Variants in PTPRM observed in about 807,000 individuals in gnomAD.
PTPRM encodes the protein receptor-type tyrosine-protein phosphatase mu.
In PTPRM, 47 loss-of-function variants were observed where a neutral mutation model predicts 186.7. The ratio of observed to expected loss-of-function variants is 0.25; its 90% confidence interval spans 0.20 to 0.32. The LOEUF is 0.32. PTPRM is among the 10% of genes least tolerant of loss of function. The probability of loss-of-function intolerance (pLI) is 1.00; values close to 1 mark genes in which losing one functional copy is unlikely to be tolerated. For synonymous variants in PTPRM, 668 were observed against 674.9 expected (o/e 0.99, Z 0.16); for missense variants, 1,494 against 1,865.0 (o/e 0.80, Z 3.66).
At chr18:7,573,738 T>C (rs941844408) in intron 1 of PTPRM, among the ~76,000 whole-genome samples, 3 of 152,010 alleles carry the variant, frequency 2.0e-5, no homozygotes, top group Non-Finnish European at 4.4e-5. Flanking sequence ...TACAGGTGCC[T>C]GCCACCACGC....
intron 19 of PTPRM, among the ~76,000 whole-genome samples, chr18:8,285,859 G>A (rs1026563484): frequency 6.6e-6 from 1 of 152,106 alleles, no homozygotes; most frequent in Non-Finnish European, 1.5e-5. Context: ...GGGCATGGTT[G>A]TGTGTACCTG....
chr18:8,195,690 T>A (rs560576462), intron 14 of PTPRM, among the ~76,000 whole-genome samples: 2 of 152,238 alleles, frequency 1.3e-5, no homozygotes, highest in East Asian at 3.9e-4. Flanking sequence ...CTAAATAATG[T>A]GTACATTTGG....
intron 1 of PTPRM, among the ~76,000 whole-genome samples, chr18:7,766,937 T>A (rs2042041651): frequency 6.6e-6 from 1 of 152,240 alleles, no homozygotes; most frequent in Admixed American, 6.5e-5. Context: ...GCATGGCTTT[T>A]GTTCTGTAAC....
chr18:7,601,467 G>A (rs140734891), intron 1 of PTPRM, among the ~76,000 whole-genome samples: 5 of 152,318 alleles, frequency 3.3e-5, no homozygotes, highest in Admixed American at 3.3e-4. Context: ...GAGCAGCTAC[G>A]CTCCTTCCTA....
At chr18:8,361,420 A>G (rs529981774) in intron 23 of PTPRM, among the ~76,000 whole-genome samples, 5 of 152,338 alleles carry the variant, frequency 3.3e-5, no homozygotes, top group African/African-American at 1.2e-4. Flanking sequence ...GTTACTGGAC[A>G]TTTCTTATGG....
intron 2 of PTPRM, among the ~76,000 whole-genome samples, chr18:7,788,080 A>G (rs1043672703): frequency 6.6e-6 from 1 of 152,232 alleles, no homozygotes; most frequent in Admixed American, 6.5e-5. Context: ...ATGCTAAGTG[A>G]TGAGCATACC....
At chr18:8,095,610 G>A (rs138543973) in intron 11 of PTPRM, among the ~76,000 whole-genome samples, 156 of 152,168 alleles carry the variant, frequency 1.0e-3, no homozygotes, top group African/African-American at 3.6e-3. Context: ...GTTAGAGGGC[G>A]TGCGGCCTCA....
At chr18:8,322,340 G>A (rs1402571793) in intron 22 of PTPRM, among the ~76,000 whole-genome samples, 3 of 152,066 alleles carry the variant, frequency 2.0e-5, no homozygotes, top group Admixed American at 1.3e-4. Flanking sequence ...AATGGGTGAC[G>A]TTTCTGCAAA....
At chr18:7,850,385 G>T (rs1051329269) in intron 2 of PTPRM, among the ~76,000 whole-genome samples, 1 of 151,718 alleles carries the variant, frequency 6.6e-6, no homozygotes, top group Non-Finnish European at 1.5e-5. Context: ...CAATTTGAAA[G>T]TATTGAGATC....
chr18:8,303,180 C>T (rs1337585632), intron 20 of PTPRM, among the ~76,000 whole-genome samples: 2 of 151,960 alleles, frequency 1.3e-5, no homozygotes, highest in African/African-American at 2.4e-5. Flanking sequence ...GGAGCACTCT[C>T]ATGGAGAGAA....
intron 13 of PTPRM, among the ~76,000 whole-genome samples, chr18:8,141,396 A>G (rs568307330): frequency 6.6e-6 from 1 of 152,284 alleles, no homozygotes; most frequent in South Asian, 2.1e-4. Flanking sequence ...TTGACCTGCA[A>G]TGTGAAATGA....
intron 7 of PTPRM, among the ~76,000 whole-genome samples, chr18:7,986,176 C>T (rs1248195774): frequency 6.6e-6 from 1 of 152,150 alleles, no homozygotes. Context: ...AATGTGATAA[C>T]AGATCCCCTA....
chr18:8,369,588 T>C lies in PTPRM; in HGVS notation c.3055-1302T>C, dbSNP rs374075587. Reference sequence around the variant, plus strand: ...GCGCAGTGACTGTGGGGCAAAGAATTCTCTTTTAGACTTATGGTCTTTGAG... The same window carrying C: ...GCGCAGTGACTGTGGGGCAAAGAATCCTCTTTTAGACTTATGGTCTTTGAG... On this transcript the variant is annotated intron_variant, in intron 23 of 32. Coordinates refer to ENST00000580170, the MANE Select transcript of PTPRM (RefSeq NM_001105244.2). Among the ~76,000 whole-genome samples the C allele has an allele frequency of 2.0e-5, 3 of 152,172 alleles. No individual in the cohort carries two copies. In the East Asian group the frequency reaches 5.8e-4, roughly 29 times the overall value.
intron 9 of PTPRM, among the ~76,000 whole-genome samples, chr18:8,084,990 A>G (rs2090355785): frequency 6.6e-6 from 1 of 152,130 alleles, no homozygotes; most frequent in Non-Finnish European, 1.5e-5. Flanking sequence ...CACACATGGC[A>G]ATTTAAATTC....
chr18:8,151,627 A>G (rs1228451053), intron 14 of PTPRM, among the ~76,000 whole-genome samples: 1 of 149,444 alleles, frequency 6.7e-6, no homozygotes, highest in African/African-American at 2.5e-5. Flanking sequence ...CCCTGGTTTC[A>G]GCACCCCTTT....
chr18:7,835,849 TGTTTTG>T (rs2046020724), intron 2 of PTPRM, among the ~76,000 whole-genome samples: 2 of 139,200 alleles, frequency 1.4e-5, no homozygotes, highest in African/African-American at 5.9e-5. Context: ...AAGTTTTTTT[TGTTTTG>T]TTTTGTTTTG....
intron 19 of PTPRM, among the ~76,000 whole-genome samples, chr18:8,263,212 G>C (rs919233255): frequency 2.0e-5 from 3 of 152,042 alleles, no homozygotes; most frequent in African/African-American, 7.2e-5. Context: ...GGGTTCAAGA[G>C]ATTCTCCCAC....
chr18:8,092,131 A>T (rs1037704395), intron 11 of PTPRM, among the ~76,000 whole-genome samples: 2 of 152,136 alleles, frequency 1.3e-5, no homozygotes, highest in African/African-American at 4.8e-5. Flanking sequence ...TCACTAAGTA[A>T]GGTGGTCATG....
intron 23 of PTPRM, among the ~76,000 whole-genome samples, chr18:8,364,423 C>T (rs1338343491): frequency 6.6e-6 from 1 of 152,178 alleles, no homozygotes; most frequent in Admixed American, 6.5e-5. Flanking sequence ...CATCTTACTC[C>T]ATCACACTGA....
Sources: allele counts gnomAD v4.1 joint callset (sites outside exome capture counted in the v4.1 genomes callset), GRCh38; gene constraint gnomAD v4.1.1; transcripts MANE v1.5; gene names NCBI Gene and HGNC (gene_info 2026-07-23, HGNC 2026-07-21).